The following ATP2A3 variants were observed in gnomAD, a reference collection of about 807,000 sequenced individuals.
ATP2A3 encodes the protein ATPase sarcoplasmic/endoplasmic reticulum Ca2+ transporting 3.
In ATP2A3, 61 loss-of-function variants were observed where a neutral mutation model predicts 106.8. The observed-to-expected ratio is 0.57, with a 90% CI of 0.46 to 0.71. ATP2A3 has a LOEUF of 0.71. Among genes scored for constraint, ATP2A3 ranks in the 30% least tolerant of loss-of-function variants. The pLI is 0.00. For missense variants in ATP2A3, 1,201 were observed against 1,423.5 expected, an observed-to-expected ratio of 0.84 and a Z score of 2.52; for synonymous variants, 611 against 609.3, an observed-to-expected ratio of 1.00 and a Z score of -0.04.
chr17:3,962,105 C>T (rs1006703), intron 1 of ATP2A3, among the ~76,000 whole-genome samples: 21,210 of 152,220 alleles, frequency 0.14, 1,585 homozygotes, highest in Middle Eastern at 0.18. Context: ...CCCAAGAAGG[C>T]TGGAGGCAAA....
intron 7 of ATP2A3, among the ~76,000 whole-genome samples, chr17:3,949,383 T>C (rs2054291161): frequency 6.6e-6 from 1 of 152,186 alleles, no homozygotes; most frequent in South Asian, 2.1e-4. Context: ...AACCCATCAC[T>C]ATCCCTGAGA....
At chr17:3,951,445 C>T (rs1325782226) in intron 4 of ATP2A3, 56 bp from the exon 5 acceptor site, 1 of 1,611,938 alleles carries the variant, frequency 6.2e-7, no homozygotes, top group Non-Finnish European at 8.5e-7. Context: ...GCAGACCACC[C>T]CCTTGGAGTG....
intron 14 of ATP2A3, among the ~76,000 whole-genome samples, chr17:3,938,614 C>T (rs978146044): frequency 1.3e-5 from 2 of 151,532 alleles, no homozygotes; most frequent in Non-Finnish European, 2.9e-5. Flanking sequence ...GGCACAATCT[C>T]GGCTCACTGC....
intron 20 of ATP2A3, chr17:3,927,266 C>T (rs1845326463): frequency 3.0e-6 from 3 of 985,504 alleles, no homozygotes; most frequent in Non-Finnish European, 3.6e-6. Flanking sequence ...ATCTGAGACA[C>T]AGGCTTTTCC....
At position 3,929,024 on chromosome 17, in the gene ATP2A3, C is replaced by A. The variant is rs978820349; in HGVS notation, c.2863-244G>T. ...CCTCAAGGGCCCACCTCTGCCCTTG[C>A]CCACTGGGTCAACTCCCATCCATCC... is the stretch of plus-strand genomic sequence containing the variant. On this transcript the variant is annotated intron_variant, in intron 19 of 20. Transcript: ENST00000397041. This position sits in a 1 kb window ranked among gnomAD's most constrained non-coding sequence, Gnocchi z 4.3. Among the ~76,000 whole-genome samples, 4 of 152,128 alleles carry A rather than the reference C, an allele frequency of 2.6e-5. No homozygotes were observed. Among genetic ancestry groups the A allele is most frequent in the Non-Finnish European group, 4.4e-5 (3 of 68,020 alleles).
chr17:3,929,558 G>A lies in ATP2A3; in HGVS notation c.2745-113C>T, dbSNP rs1024356207. 1.1e-5 allele frequency: 10 copies of A among 904,050 alleles called. No individual in the cohort carries two copies. Among genetic ancestry groups the A allele is most frequent in the South Asian group, 3.1e-5 (2 of 64,306 alleles). The allele number at this position is 904,050 out of a possible 1,614,324, so 56.0% of individuals were successfully genotyped here. ...CTCTAGCGGTGCATTGCTGTTGCCC[G>A]CTCGGCCTGCCAGGGCCTGTCCCGG... On this transcript the variant is annotated intron_variant, in intron 18 of 20. Coordinates refer to ENST00000397041, the MANE Select transcript of ATP2A3 (RefSeq NM_005173.4). The surrounding 1 kb of genome is among the most constrained non-coding windows in gnomAD (Gnocchi z 4.3).
chr17:3,928,923 T>G lies in ATP2A3; in HGVS notation c.2863-143A>C. 1 of 640,720 alleles carries G rather than the reference T, an allele frequency of 1.6e-6. No individual in the cohort carries two copies. The allele number at this position is 640,720 out of a possible 1,614,324, so 39.7% of individuals were successfully genotyped here. ...ACCCCCTGGATGCACCCCCGATCTT[T>G]GTCCACTCAGCTGCACCCCCCGATC... On this transcript the variant is annotated intron_variant, in intron 19 of 20. Transcript: ENST00000397041. This position sits in a 1 kb window ranked among gnomAD's most constrained non-coding sequence, Gnocchi z 6.1.
chr17:3,941,264 G>A lies in ATP2A3; in HGVS notation c.1807C>T (p.Pro603Ser). Residue 603 changes from proline to serine, a missense_variant, in exon 14 of 21, where the codon CCG (proline) becomes TCG (serine). Transcript: ENST00000397041. Reference protein sequence around the residue: ...FVGCVGMLDPPRPEVAACITR... With the variant: ...FVGCVGMLDPSRPEVAACITR... The stretch of plus-strand genomic sequence containing the variant: ...ATGCAGGCAGCCACCTCAGGTCGCG[G>A]CGGGTCCAGCATGCCTACGCAGCCC... 4 of 1,613,818 alleles carry A rather than the reference G, an allele frequency of 2.5e-6. No individual in the cohort carries two copies. The highest frequency in any genetic ancestry group is 1.1e-5 in the South Asian group (1 of 91,074).
At position 3,953,684 on chromosome 17, in the gene ATP2A3, C is replaced by A; in HGVS notation, c.136+9G>T. 1 of 1,564,422 alleles carries A rather than the reference C, an allele frequency of 6.4e-7. No homozygotes were observed. Among genetic ancestry groups the A allele is most frequent in the Non-Finnish European group, 8.7e-7 (1 of 1,154,242 alleles). On this transcript the variant is annotated intron_variant, in intron 2 of 20. Transcript: ENST00000397041. The surrounding 1 kb of genome is among the most constrained non-coding windows in gnomAD (Gnocchi z 5.1). ...GCGGCCTAGAGGTCCATCCCGGTGC[C>A]AGCCTCACCTTCCTCACTCGGGAGC...
At chr17:3,946,120 C>A (rs1248489322) in intron 8 of ATP2A3, among the ~76,000 whole-genome samples, 1 of 150,514 alleles carries the variant, frequency 6.6e-6, no homozygotes, top group Admixed American at 6.6e-5. Context: ...TGGTGGCACG[C>A]GCCTGTAGTC....
intron 13 of ATP2A3, 42 bp from the exon 14 acceptor site, chr17:3,941,348 C>T: frequency 6.2e-7 from 1 of 1,613,454 alleles, no homozygotes; most frequent in Non-Finnish European, 8.5e-7. Context: ...TGAGCCCATC[C>T]CTGACCTACC....
Position 3,947,716 on chromosome 17 carries a change from C to A in ATP2A3, c.770G>T (p.Gly257Val). 6.2e-7 allele frequency: 1 copy of A among 1,610,772 alleles called. No homozygotes were observed. The highest frequency in any genetic ancestry group is 8.5e-7 in the Non-Finnish European group (1 of 1,179,882). ...TPLQRKLDEF[G>V]RQLSHAISVI... is the part of the protein sequence containing the mutation. ...AGAGATGGCGTGGGACAGCTGCCGT[C>A]CAAACTCGTCCAGCTTGCGCTGCAG... Residue 257 changes from glycine to valine, a missense_variant, in exon 8 of 21, where the codon GGA (glycine) becomes GTA (valine). Gly to Val is a moderately radical substitution (Grantham distance 109, BLOSUM62 -3). Around this residue, in one of 2 missense-constraint regions of ATP2A3, gnomAD observed 935 missense variants for 1,176.7 expected, o/e 0.79. Coordinates refer to ENST00000397041, the MANE Select transcript of ATP2A3 (RefSeq NM_005173.4). The surrounding 1 kb of genome is among the most constrained non-coding windows in gnomAD (Gnocchi z 7.7).
intron 10 of ATP2A3, among the ~76,000 whole-genome samples, chr17:3,943,879 G>A (rs2053928561): frequency 6.6e-6 from 1 of 152,046 alleles, no homozygotes; most frequent in African/African-American, 2.4e-5. Context: ...ATGTCCAGCT[G>A]CCTGCTGAAC....
chr17:3,947,794 T>A lies in ATP2A3; in HGVS notation c.692A>T (p.Glu231Val). ...CATCTGGCTCCGGATCTTGCCCAGC[T>A]CCGTGTGCAGGCCGGTGGCCACGGC... ...GVAVATGLHT[E>V]LGKIRSQMAA... The change falls in exon 8 of 21, where the codon GAG becomes GTG. Residue 231 changes from glutamate (E) to valine (V), a missense_variant. This residue lies in a region of ATP2A3 where 935 missense variants were observed against 1,176.7 expected (regional missense o/e 0.79). Coordinates refer to ENST00000397041, the MANE Select transcript of ATP2A3 (RefSeq NM_005173.4). This position sits in a 1 kb window ranked among gnomAD's most constrained non-coding sequence, Gnocchi z 7.7. The A allele has an allele frequency of 6.2e-7, 1 of 1,601,424 alleles. No homozygotes were observed. The highest frequency in any genetic ancestry group is 8.5e-7 in the Non-Finnish European group (1 of 1,179,858).
intron 20 of ATP2A3, chr17:3,927,970 C>T (rs1452494341): frequency 6.2e-7 from 1 of 1,613,818 alleles, no homozygotes; most frequent in Admixed American, 1.7e-5. Context: ...TTCCCAGGAA[C>T]CGGAGCTCAC....
chr17:3,927,877 C>T, intron 20 of ATP2A3: 1 of 1,576,038 alleles, frequency 6.3e-7, no homozygotes. Context: ...CCCAGCTGCC[C>T]CAGTGCAGGC....
rs575878796 is a variant in ATP2A3 at position 3,931,065 on chromosome 17, G to A, written c.2611-631C>T. ...TGAGGCAGGACAATCACTTGAACCC[G>A]GGGGTCAGAGGTTGTAGTGAGCAGA... is the stretch of plus-strand genomic sequence containing the variant. On this transcript the variant is annotated intron_variant, in intron 17 of 20. Coordinates refer to ENST00000397041, the MANE Select transcript of ATP2A3 (RefSeq NM_005173.4). Among the ~76,000 whole-genome samples the A allele has an allele frequency of 4.6e-5, 7 of 152,094 alleles. No individual in the cohort carries two copies. In the South Asian group the frequency reaches 1.0e-3, roughly 23 times the overall value.
Position 3,925,608 on chromosome 17 carries a change from A to G in ATP2A3, c.2981-167T>C, listed in dbSNP as rs112719926. On this transcript the variant is annotated intron_variant, in intron 20 of 20. Transcript: ENST00000397041. This position sits in a 1 kb window ranked among gnomAD's most constrained non-coding sequence, Gnocchi z 4.2. ...TACCCCAGCCCCACCGGACCCCCCA[A>G]GCTGCATCCAGGATCCATCCCCGCA... 9.1e-3 allele frequency among the ~76,000 whole-genome samples: 1,356 copies of G among 149,322 alleles called. 24 individuals carry two copies. Among genetic ancestry groups the G allele is most frequent in the African/African-American group, 0.031 (1,268 of 40,300 alleles).
At chr17:3,960,426 G>A (rs755500967) in intron 1 of ATP2A3, among the ~76,000 whole-genome samples, 13 of 152,356 alleles carry the variant, frequency 8.5e-5, no homozygotes, top group Non-Finnish European at 1.9e-4. Context: ...CGTGTGGCCC[G>A]GGAAGGCAGG....
Sources: allele counts gnomAD v4.1 joint callset (sites outside exome capture counted in the v4.1 genomes callset), GRCh38; gene constraint gnomAD v4.1.1; regional missense constraint gnomAD v4.1.1; non-coding constraint Gnocchi (gnomAD v3.1); transcripts MANE v1.5; gene names NCBI Gene and HGNC (gene_info 2026-07-23, HGNC 2026-07-21).